The following PRKCQ variants were observed in gnomAD, a reference collection of about 807,000 sequenced individuals.
PRKCQ encodes protein kinase C theta type.
PRKCQ carries 41 observed loss-of-function variants against 91.2 expected under a neutral mutation model. The observed-to-expected ratio is 0.45, with a 90% CI of 0.35 to 0.58. The LOEUF is 0.58. Among genes scored for constraint, PRKCQ ranks in the 20% least tolerant of loss-of-function variants. The probability of loss-of-function intolerance (pLI) is 0.00; values close to 1 mark genes in which losing one functional copy is unlikely to be tolerated. For synonymous variants in PRKCQ, 307 were observed against 316.9 expected (o/e 0.97, Z 0.33); for missense variants, 673 against 896.5 (o/e 0.75, Z 3.18).
At chr10:6,510,317 G>A (rs541429634) in intron 3 of PRKCQ, among the ~76,000 whole-genome samples, 4 of 152,102 alleles carry the variant, frequency 2.6e-5, no homozygotes, top group African/African-American at 9.6e-5. Flanking sequence ...TGACAACTTG[G>A]TGTGCTAAGA....
intron 15 of PRKCQ, among the ~76,000 whole-genome samples, chr10:6,450,734 C>T (rs369565838): frequency 6.6e-6 from 1 of 152,154 alleles, no homozygotes; most frequent in African/African-American, 2.4e-5. Flanking sequence ...GTCTCTCAGA[C>T]CACAGTGCAA....
intron 10 of PRKCQ, among the ~76,000 whole-genome samples, chr10:6,484,277 G>A (rs1054293466): frequency 1.3e-5 from 2 of 152,174 alleles, no homozygotes; most frequent in African/African-American, 2.4e-5. Flanking sequence ...CGCTGGGTGC[G>A]GTTGTGTGCG....
intron 15 of PRKCQ, among the ~76,000 whole-genome samples, chr10:6,453,348 T>C (rs1218349728): frequency 6.6e-6 from 1 of 152,170 alleles, no homozygotes; most frequent in East Asian, 1.9e-4. Context: ...ATCAGAGAAA[T>C]GCAATTCAAA....
At chr10:6,534,606 GT>G (rs1191951513) in intron 1 of PRKCQ, among the ~76,000 whole-genome samples, 4 of 151,772 alleles carry the variant, frequency 2.6e-5, no homozygotes, top group African/African-American at 9.7e-5. Context: ...TTGCAGCACA[GT>G]TTAATAATAA....
At chr10:6,455,906 C>T (rs1834975418) in intron 15 of PRKCQ, among the ~76,000 whole-genome samples, 1 of 152,132 alleles carries the variant, frequency 6.6e-6, no homozygotes, top group African/African-American at 2.4e-5. Context: ...ATGAATCTGT[C>T]CATGACTGCA....
chr10:6,417,966 A>T, the PRKCQ span, among the ~76,000 whole-genome samples: 2 of 152,058 alleles, frequency 1.3e-5, no homozygotes, highest in Non-Finnish European at 2.9e-5. Context: ...TCTCCCAGAC[A>T]TGGGTCTCCT....
chr10:6,497,165 A>C lies in PRKCQ; in HGVS notation c.575-45T>G. ...CACAGCTTAAGATTTTCATAGCCTAAGGAATAACTAAATAAAAAGAATGAT... is the reference window on the plus strand; with the variant it reads ...CACAGCTTAAGATTTTCATAGCCTACGGAATAACTAAATAAAAAGAATGAT... On this transcript the variant is annotated intron_variant, in intron 6 of 17. Coordinates refer to ENST00000263125, the MANE Select transcript of PRKCQ (RefSeq NM_006257.5). This position sits in a 1 kb window ranked among gnomAD's most constrained non-coding sequence, Gnocchi z 4.5. 2.5e-6 allele frequency: 4 copies of C among 1,613,928 alleles called. No individual in the cohort carries two copies. The highest frequency in any genetic ancestry group is 1.7e-6 in the Non-Finnish European group (2 of 1,179,776).
intron 16 of PRKCQ, among the ~76,000 whole-genome samples, chr10:6,437,078 C>T (rs1183013432): frequency 4.6e-5 from 7 of 152,198 alleles, no homozygotes; most frequent in African/African-American, 9.7e-5. Context: ...GGTGCTCTCA[C>T]GCCTCAGGTT....
chr10:6,512,037 A>G (rs1838502782), intron 2 of PRKCQ: 1 of 152,220 alleles, frequency 6.6e-6, no homozygotes, highest in Non-Finnish European at 1.5e-5. Context: ...CCTATGACTG[A>G]TTAACCTCAC....
chr10:6,550,578 T>C (rs751287811), intron 1 of PRKCQ, among the ~76,000 whole-genome samples: 8 of 152,268 alleles, frequency 5.3e-5, no homozygotes, highest in South Asian at 4.1e-4. Flanking sequence ...CCAGCCTCCA[T>C]TGCATGTTTG....
At chr10:6,566,300 TGG>T (rs1840834307) in intron 1 of PRKCQ, among the ~76,000 whole-genome samples, 1 of 4,870 alleles carries the variant, frequency 2.1e-4, no homozygotes, top group African/African-American at 2.3e-4. Context: ...TGACCTACAC[TGG>T]CTGTTCTGCA....
chr10:6,404,247 A>AGGGGGGG, the PRKCQ span, among the ~76,000 whole-genome samples: 1 of 57,052 alleles, frequency 1.8e-5, no homozygotes, highest in African/African-American at 8.1e-5. Flanking sequence ...AAGGGAGAGA[A>AGGGGGGG]GGGGGGGGGA....
chr10:6,558,549 GGT>G (rs1272734030), intron 1 of PRKCQ, among the ~76,000 whole-genome samples: 3 of 152,174 alleles, frequency 2.0e-5, no homozygotes, highest in Non-Finnish European at 4.4e-5. Flanking sequence ...TTAAGCTGAT[GGT>G]TTAGCAAGCA....
intron 1 of PRKCQ, among the ~76,000 whole-genome samples, chr10:6,522,283 GCTCA>G (rs1010325818): frequency 3.9e-5 from 6 of 152,152 alleles, no homozygotes; most frequent in African/African-American, 1.2e-4. Flanking sequence ...ACTCTTAGAG[GCTCA>G]CTATTTTCAG....
At position 6,491,670 on chromosome 10, in the gene PRKCQ, C is replaced by G. The variant is rs1464769228; in HGVS notation, c.790+13G>C. The G allele has an allele frequency of 1.2e-6, 2 of 1,614,042 alleles. No individual in the cohort carries two copies. The highest frequency in any genetic ancestry group is 1.7e-6 in the Non-Finnish European group (2 of 1,179,964). ...GTCCACGTCGGGCCATGCTCATCCC[C>G]CACTGGACTCACCATCACACTTGAG... is the stretch of plus-strand genomic sequence containing the variant. On this transcript the variant is annotated intron_variant, in intron 8 of 17. Coordinates refer to ENST00000263125, the MANE Select transcript of PRKCQ (RefSeq NM_006257.5).
intron 15 of PRKCQ, among the ~76,000 whole-genome samples, chr10:6,448,917 C>G (rs1320209267): frequency 2.0e-5 from 3 of 148,584 alleles, no homozygotes; most frequent in Non-Finnish European, 3.0e-5. Flanking sequence ...GACATCCACA[C>G]CAAAAACCCA....
the PRKCQ span, among the ~76,000 whole-genome samples, chr10:6,406,938 A>G: frequency 0.21 from 31,871 of 152,180 alleles, 3,695 homozygotes; most frequent in Non-Finnish European, 0.26. Flanking sequence ...AAGCACAGCT[A>G]ATAAAGTTGA....
At chr10:6,503,147 G>T (rs375877344) in intron 4 of PRKCQ, among the ~76,000 whole-genome samples, 4 of 152,204 alleles carry the variant, frequency 2.6e-5, no homozygotes, top group South Asian at 4.1e-4. Flanking sequence ...TGGGAGCCAG[G>T]CTAGGTAGAG....
chr10:6,479,212 C>T (rs1344823048), intron 11 of PRKCQ, 47 bp from the exon 12 acceptor site: 1 of 1,594,916 alleles, frequency 6.3e-7, no homozygotes, highest in Admixed American at 1.7e-5. Context: ...TTTGGATTCC[C>T]ATTTCTTAAA....
Sources: allele counts gnomAD v4.1 joint callset (sites outside exome capture counted in the v4.1 genomes callset), GRCh38; gene constraint gnomAD v4.1.1; non-coding constraint Gnocchi (gnomAD v3.1); transcripts MANE v1.5; gene names NCBI Gene and HGNC (gene_info 2026-07-23, HGNC 2026-07-21).